DOCK10: variants seen among roughly 807,000 people sequenced by gnomAD.
DOCK10 encodes the protein dedicator of cytokinesis 10.
DOCK10 carries 145 observed loss-of-function variants against 280.1 expected under a neutral mutation model. The observed-to-expected ratio is 0.52, with a 90% CI of 0.45 to 0.59. DOCK10 has a LOEUF of 0.59. Ranked by LOEUF, DOCK10 falls within the 20% of genes least tolerant of loss-of-function variation. The pLI is 0.00. For synonymous variants in DOCK10, 915 were observed against 942.2 expected, an observed-to-expected ratio of 0.97 and a Z score of 0.53; for missense variants, 2,368 against 2,651.7, an observed-to-expected ratio of 0.89 and a Z score of 2.35.
intron 3 of DOCK10, among the ~76,000 whole-genome samples, chr2:224,902,649 TG>T (rs1700362982): frequency 6.6e-6 from 1 of 151,964 alleles, no homozygotes; most frequent in East Asian, 1.9e-4. Flanking sequence ...CCAGGATGTG[TG>T]GGTCACCCAA....
intron 1 of DOCK10, among the ~76,000 whole-genome samples, chr2:225,036,961 C>T (rs1690277902): frequency 6.7e-6 from 1 of 149,560 alleles, no homozygotes; most frequent in Admixed American, 6.7e-5. Context: ...TTGTTGTTGT[C>T]ATCTCACATG....
chr2:224,982,242 C>T (rs961415823), intron 1 of DOCK10: 1 of 1,231,930 alleles, frequency 8.1e-7, no homozygotes, highest in Non-Finnish European at 1.0e-6. Context: ...TTCATTTCAT[C>T]GTCACTTTCC....
At chr2:224,788,914 C>T in intron 48 of DOCK10, 150 bp downstream of exon 48, 1 of 574,452 alleles carries the variant, frequency 1.7e-6, no homozygotes, top group Admixed American at 3.1e-5. Flanking sequence ...ATCTACTAAT[C>T]TTGGCTTAAT....
Position 224,775,022 on chromosome 2 carries a change from T to C in DOCK10, c.5896A>G (p.Thr1966Ala). Reference sequence around the variant, plus strand: ...ATGTTGTGGTGCATTTCGAAATCTGTCTTCCGGTCTTCGATTTCCTTTTCC... The same window carrying C: ...ATGTTGTGGTGCATTTCGAAATCTGCCTTCCGGTCTTCGATTTCCTTTTCC... ...FEEKEIEDRK[T>A]DFEMHHNINR... The change falls in exon 52 of 56, where the codon ACA becomes GCA. Residue 1966 changes from threonine (T) to alanine (A), a missense_variant. This residue lies in a region of DOCK10 where 1,159 missense variants were observed against 1,400.8 expected (regional missense o/e 0.83). Coordinates refer to ENST00000258390, the MANE Select transcript of DOCK10 (RefSeq NM_014689.3). 6.2e-7 allele frequency: 1 copy of C among 1,613,984 alleles called. No homozygotes were observed. Among genetic ancestry groups the C allele is most frequent in the East Asian group, 2.2e-5 (1 of 44,872 alleles).
intron 1 of DOCK10, among the ~76,000 whole-genome samples, chr2:224,939,352 G>A (rs1158154622): frequency 6.6e-6 from 1 of 152,106 alleles, no homozygotes; most frequent in Non-Finnish European, 1.5e-5. Context: ...ACTAAATTTG[G>A]ATCTTTGAAG....
intron 2 of DOCK10, among the ~76,000 whole-genome samples, chr2:224,924,595 A>G (rs1701956688): frequency 6.6e-6 from 1 of 152,200 alleles, no homozygotes; most frequent in Non-Finnish European, 1.5e-5. Context: ...CTGTTTACCC[A>G]TTCATCAGTT....
intron 1 of DOCK10, among the ~76,000 whole-genome samples, chr2:224,956,649 A>G (rs1319799866): frequency 7.0e-6 from 1 of 142,890 alleles, no homozygotes; most frequent in African/African-American, 2.6e-5. Flanking sequence ...AAAAAAAAAA[A>G]AGAGCATCGA....
chr2:224,799,597 G>A (rs1692829656), intron 41 of DOCK10, among the ~76,000 whole-genome samples: 3 of 152,198 alleles, frequency 2.0e-5, no homozygotes, highest in Admixed American at 2.0e-4. Context: ...CTGCCATACT[G>A]TTCTCCAACA....
intron 23 of DOCK10, among the ~76,000 whole-genome samples, chr2:224,840,707 T>G (rs546318484): frequency 2.8e-4 from 43 of 152,178 alleles, no homozygotes; most frequent in African/African-American, 1.0e-3. Flanking sequence ...ATATGAAGGT[T>G]CCTCAAAAAA....
At chr2:224,962,351 G>C (rs1022005982) in intron 1 of DOCK10, among the ~76,000 whole-genome samples, 2 of 152,170 alleles carry the variant, frequency 1.3e-5, no homozygotes, top group Non-Finnish European at 2.9e-5. Flanking sequence ...AATTTTCATG[G>C]TTGTATAGTA....
At chr2:224,980,856 T>C (rs976143796) in intron 1 of DOCK10, among the ~76,000 whole-genome samples, 2 of 152,132 alleles carry the variant, frequency 1.3e-5, no homozygotes, top group Admixed American at 1.3e-4. Context: ...TTAATATCAA[T>C]AAAGGTATTA....
intron 3 of DOCK10, among the ~76,000 whole-genome samples, chr2:224,911,214 T>C (rs1253787212): frequency 6.6e-6 from 1 of 152,048 alleles, no homozygotes; most frequent in Non-Finnish European, 1.5e-5. Context: ...GAAAGGGAAT[T>C]AAGGTGGGAA....
intron 1 of DOCK10, among the ~76,000 whole-genome samples, chr2:224,961,559 T>C (rs1199709925): frequency 6.7e-6 from 1 of 149,724 alleles, no homozygotes; most frequent in African/African-American, 2.5e-5. Flanking sequence ...CAGGCTGGAG[T>C]GCAGTGGTGC....
At chr2:225,032,739 A>C (rs1429175248) in intron 1 of DOCK10, among the ~76,000 whole-genome samples, 1 of 152,250 alleles carries the variant, frequency 6.6e-6, no homozygotes, top group African/African-American at 2.4e-5. Context: ...TTTAAGAGCT[A>C]ATCAAACAAT....
chr2:224,973,714 A>T (rs1443685022), intron 1 of DOCK10, among the ~76,000 whole-genome samples: 1 of 152,194 alleles, frequency 6.6e-6, no homozygotes, highest in Non-Finnish European at 1.5e-5. Context: ...TACAGCAGAA[A>T]TAGGAAACTA....
At chr2:224,988,406 A>C (rs1706030962) in intron 1 of DOCK10, among the ~76,000 whole-genome samples, 1 of 152,220 alleles carries the variant, frequency 6.6e-6, no homozygotes, top group Non-Finnish European at 1.5e-5. Flanking sequence ...TAAGAAAGCA[A>C]GCCCTTATAG....
At chr2:225,035,882 T>TC (rs1690246988) in intron 1 of DOCK10, among the ~76,000 whole-genome samples, 1 of 151,396 alleles carries the variant, frequency 6.6e-6, no homozygotes, top group Non-Finnish European at 1.5e-5. Flanking sequence ...TCTCTCTCTC[T>TC]TCTTCTTCTT....
intron 19 of DOCK10, among the ~76,000 whole-genome samples, chr2:224,849,069 T>C (rs1355217169): frequency 6.6e-6 from 1 of 152,142 alleles, no homozygotes; most frequent in Non-Finnish European, 1.5e-5. Flanking sequence ...TCCGACTCCC[T>C]GGTTCAAGCG....
intron 3 of DOCK10, among the ~76,000 whole-genome samples, chr2:224,911,665 T>C (rs1701018571): frequency 6.6e-6 from 1 of 152,052 alleles, no homozygotes; most frequent in Non-Finnish European, 1.5e-5. Context: ...AATCCAAGGC[T>C]CTGAAAGCCT....
Sources: gnomAD v4.1 joint callset for allele counts (sites outside exome capture counted in the v4.1 genomes callset) on GRCh38, gnomAD v4.1.1 for gene constraint, gnomAD v4.1.1 regional missense constraint, MANE v1.5 for transcripts, NCBI Gene and HGNC (gene_info 2026-07-23, HGNC 2026-07-21) for gene names.